Variants in NADSYN1 observed in about 807,000 individuals in gnomAD.
The protein encoded by NADSYN1 is glutamine-dependent NAD(+) synthetase.
NADSYN1 carries 80 observed loss-of-function variants against 99.3 expected under a neutral mutation model. The observed-to-expected ratio is 0.81, with a 90% CI of 0.67 to 0.97. NADSYN1 has a LOEUF of 0.97. Among genes scored for constraint, NADSYN1 ranks in the 50% least tolerant of loss-of-function variants. NADSYN1 has a pLI of 0.00. For missense variants in NADSYN1, 859 were observed against 948.5 expected (o/e 0.91, Z 1.24); for synonymous variants, 385 against 372.1 (o/e 1.03, Z -0.40).
intron 2 of NADSYN1, 87 bp from the exon 3 acceptor site, chr11:71,458,341 A>G (rs892376243): frequency 6.3e-6 from 6 of 949,188 alleles, no homozygotes; most frequent in Non-Finnish European, 1.0e-5. Context: ...GCCCCCAGAC[A>G]CGTTCAGACT....
In NADSYN1 at chr11:71,482,084, G is replaced by A. The variant is rs902563099; in HGVS notation, c.1150+59G>A. ...AGGGTCCAGCCCTTGGGCTGCCTGA[G>A]TTAGGGACCTAGGAGGGGGCAGAGG... On this transcript the variant is annotated intron_variant, in intron 13 of 20. Transcript: ENST00000319023. The A allele has an allele frequency of 2.7e-6, 4 of 1,497,284 alleles. No individual in the cohort carries two copies. The Admixed American group carries it at 5.8e-5, about 22-fold the overall frequency. 92.7% of individuals were successfully genotyped at this position (1,497,284 alleles called of 1,614,324 possible). A position where few individuals can be genotyped will look rare whatever the true frequency, so the allele number is the denominator to read the frequency against.
intron 9 of NADSYN1, among the ~76,000 whole-genome samples, chr11:71,478,030 G>A (rs980100022): frequency 2.1e-5 from 3 of 146,212 alleles, no homozygotes; most frequent in Admixed American, 2.0e-4. Context: ...CTTACTGACA[G>A]GGGTGTGTCT....
At chr11:71,472,594 G>A in intron 6 of NADSYN1, 94 bp downstream of exon 6, 1 of 1,156,478 alleles carries the variant, frequency 8.6e-7, no homozygotes, top group Non-Finnish European at 1.3e-6. Context: ...TTGGGATCCA[G>A]GTAATGGAAG....
chr11:71,467,897 A>G (rs1354292473), intron 5 of NADSYN1, among the ~76,000 whole-genome samples: 1 of 152,238 alleles, frequency 6.6e-6, no homozygotes, highest in Non-Finnish European at 1.5e-5. Flanking sequence ...AACAAATAGA[A>G]ATTCACATCT....
chr11:71,464,181 A>AC, intron 5 of NADSYN1, 39 bp downstream of exon 5: 2 of 1,483,456 alleles, frequency 1.3e-6, no homozygotes, highest in Non-Finnish European at 1.9e-6. Context: ...ATGTGCGTTA[A>AC]GCACCTCCGC....
At chr11:71,465,185 G>A (rs1949579453) in intron 5 of NADSYN1, among the ~76,000 whole-genome samples, 1 of 152,114 alleles carries the variant, frequency 6.6e-6, no homozygotes, top group African/African-American at 2.4e-5. Context: ...CTACATTGGG[G>A]ATGAGGTAGA....
At position 71,473,610 on chromosome 11, in the gene NADSYN1, C is replaced by T; in HGVS notation, c.590C>T (p.Thr197Ile). Residue 197 changes from threonine (T) to isoleucine (I), a missense_variant, in exon 8 of 21, where the codon ACC (threonine) becomes ATC (isoleucine). Thr to Ile is a moderately conservative substitution (Grantham distance 89). Transcript: ENST00000319023. Reference sequence around the variant, plus strand: ...GGCCTGGATGGCGTGGAGATCATCACCAACGCCTCGGGCAGCCACCAAGTG... The same window carrying T: ...GGCCTGGATGGCGTGGAGATCATCATCAACGCCTCGGGCAGCCACCAAGTG... ...DMGLDGVEII[T>I]NASGSHQVLR... is the part of the protein sequence containing the mutation. 6.2e-7 allele frequency: 1 copy of T among 1,613,076 alleles called. No individual in the cohort carries two copies. The highest frequency in any genetic ancestry group is 2.2e-5 in the East Asian group (1 of 44,880).
At chr11:71,496,902 G>A (rs973059697) in intron 18 of NADSYN1, 1 of 153,526 alleles carries the variant, frequency 6.5e-6, no homozygotes, top group Non-Finnish European at 1.4e-5. Flanking sequence ...TAGAGACAGG[G>A]TCTGGCTCTG....
intron 6 of NADSYN1, among the ~76,000 whole-genome samples, chr11:71,472,824 A>G (rs1411271450): frequency 1.3e-5 from 2 of 152,192 alleles, no homozygotes; most frequent in Non-Finnish European, 2.9e-5. Context: ...TTTAAGTGTT[A>G]TCTAGACCAA....
chr11:71,455,941 A>G (rs1349262543), intron 2 of NADSYN1, among the ~76,000 whole-genome samples: 2 of 152,202 alleles, frequency 1.3e-5, no homozygotes, highest in Non-Finnish European at 2.9e-5. Context: ...AAACAAAAAC[A>G]AAAATGAAAA....
intron 6 of NADSYN1, 32 bp from the exon 7 acceptor site, chr11:71,473,246 G>C: frequency 6.2e-7 from 1 of 1,600,828 alleles, no homozygotes; most frequent in East Asian, 2.2e-5. Flanking sequence ...CATGGCTAGT[G>C]AATCTCATGC....
intron 9 of NADSYN1, chr11:71,474,845 C>A (rs780726966): frequency 1.8e-5 from 7 of 380,154 alleles, no homozygotes; most frequent in Non-Finnish European, 3.0e-5. Context: ...ACCTCCCGCC[C>A]TCGGGTCTGG....
chr11:71,472,644 C>A (rs4435028), intron 6 of NADSYN1, 144 bp downstream of exon 6: 201,305 of 767,408 alleles, frequency 0.26, 30,781 homozygotes, highest in South Asian at 0.46. Context: ...ACAAAGGAGG[C>A]AGGTTCCTAT....
At chr11:71,494,592 G>A (rs148415021) in intron 18 of NADSYN1, among the ~76,000 whole-genome samples, 1 of 152,206 alleles carries the variant, frequency 6.6e-6, no homozygotes, top group Non-Finnish European at 1.5e-5. Context: ...TGTTGCCAAG[G>A]CTGCCTGGAG....
chr11:71,489,888 C>T (rs1361845882), intron 16 of NADSYN1, among the ~76,000 whole-genome samples: 1 of 152,190 alleles, frequency 6.6e-6, no homozygotes, highest in Non-Finnish European at 1.5e-5. Flanking sequence ...TGTGGAAGGG[C>T]TTGGCCTGGC....
intron 9 of NADSYN1, chr11:71,474,958 C>T: frequency 4.0e-6 from 1 of 250,134 alleles, no homozygotes; most frequent in South Asian, 5.1e-5. Flanking sequence ...GGCTCCGTGC[C>T]ACGCAGGGCC....
At chr11:71,481,862 G>A (rs1431867631) in intron 12 of NADSYN1, 61 bp from the exon 13 acceptor site, 2 of 1,482,804 alleles carry the variant, frequency 1.3e-6, no homozygotes, top group Non-Finnish European at 1.9e-6. Context: ...GAGCTTGGCT[G>A]ATCCATGGGC....
Position 71,464,130 on chromosome 11 carries a change from G to T in NADSYN1, c.395G>T (p.Trp132Leu), listed in dbSNP as rs189928649. The change falls in exon 5 of 21, where the codon TGG becomes TTG. Residue 132 changes from tryptophan to leucine, a missense_variant. Trp to Leu is a moderately conservative substitution (Grantham distance 61). Coordinates refer to ENST00000319023, the MANE Select transcript of NADSYN1 (RefSeq NM_018161.5). ...NYRELRWFTP[W>L]SRSRHTEEYF... ...CGCGAGCTGCGCTGGTTCACCCCGTGGTCGAGGAGTCGGTGAGTCGGGTGC... is the reference window on the plus strand; with the variant it reads ...CGCGAGCTGCGCTGGTTCACCCCGTTGTCGAGGAGTCGGTGAGTCGGGTGC... The T allele has an allele frequency of 1.2e-4, 196 of 1,609,672 alleles. 2 individuals are homozygous for T. The Admixed American group carries it at 2.6e-3, about 21-fold the overall frequency.
chr11:71,453,227 C>A lies in NADSYN1; in HGVS notation c.-70C>A. 3 of 1,415,334 alleles carry A rather than the reference C, an allele frequency of 2.1e-6. No individual in the cohort carries two copies. The highest frequency in any genetic ancestry group is 2.4e-5 in the East Asian group (1 of 41,456). The allele number at this position is 1,415,334 out of a possible 1,614,324, so 87.7% of individuals were successfully genotyped here. A position where few individuals can be genotyped will look rare whatever the true frequency, so the allele number is the denominator to read the frequency against. ...CAACCCGGAAGGTCCGGCGTCCCAG[C>A]CGCCTACCTCGCTGGGACCCTGGTC... On this transcript the variant is annotated 5_prime_UTR_variant, in exon 1 of 21. Transcript: ENST00000319023.
Sources: gnomAD v4.1 joint callset for allele counts (sites outside exome capture counted in the v4.1 genomes callset) on GRCh38, gnomAD v4.1.1 for gene constraint, MANE v1.5 for transcripts, NCBI Gene and HGNC (gene_info 2026-07-23, HGNC 2026-07-21) for gene names.